MEF2A: variants seen among roughly 807,000 people sequenced by gnomAD.
MEF2A encodes myocyte-specific enhancer factor 2A.
In MEF2A, 28 loss-of-function variants were observed where a neutral mutation model predicts 55.8. That is an observed-to-expected ratio of 0.50 (90% CI 0.37 to 0.69). MEF2A has a LOEUF of 0.69. Among genes scored for constraint, MEF2A ranks in the 30% least tolerant of loss-of-function variants. The pLI is 0.00. For missense variants in MEF2A, 528 were observed against 626.2 expected (o/e 0.84, Z 1.67); for synonymous variants, 239 against 227.1 (o/e 1.05, Z -0.47).
chr15:99,643,820 T>C (rs927066046), intron 3 of MEF2A, among the ~76,000 whole-genome samples: 18 of 152,154 alleles, frequency 1.2e-4, no homozygotes, highest in Non-Finnish European at 2.5e-4. Context: ...CTCCATCTCC[T>C]GAGCTCGTGA....
At chr15:99,710,558 T>C in intron 10 of MEF2A, 76 bp from the exon 11 acceptor site, 1 of 1,557,872 alleles carries the variant, frequency 6.4e-7, no homozygotes, top group Non-Finnish European at 8.8e-7. Flanking sequence ...GTAGGAACTT[T>C]TGCAGTAGCT....
intron 7 of MEF2A, among the ~76,000 whole-genome samples, chr15:99,680,877 A>G (rs1038935028): frequency 3.9e-5 from 6 of 152,302 alleles, no homozygotes; most frequent in African/African-American, 1.4e-4. Flanking sequence ...GTAAATTAGA[A>G]TATTTCTTTA....
intron 1 of MEF2A, among the ~76,000 whole-genome samples, chr15:99,579,332 G>T (rs1159617308): frequency 6.6e-6 from 1 of 150,818 alleles, no homozygotes; most frequent in African/African-American, 2.4e-5. Flanking sequence ...AGTGGAGGGT[G>T]GGGCAGGGTT....
intron 4 of MEF2A, among the ~76,000 whole-genome samples, chr15:99,665,432 T>G (rs2049426308): frequency 6.6e-6 from 1 of 151,760 alleles, no homozygotes; most frequent in South Asian, 2.1e-4. Flanking sequence ...ATACAAAAAT[T>G]AAGATGGGTT....
intron 1 of MEF2A, among the ~76,000 whole-genome samples, chr15:99,571,000 C>A (rs1391430001): frequency 6.6e-6 from 1 of 152,084 alleles, no homozygotes; most frequent in East Asian, 1.9e-4. Flanking sequence ...ACCTGGCCAA[C>A]GTGGTGAAAC....
rs188765961 is a variant in MEF2A at position 99,658,335 on chromosome 15, C to T, written c.258+12571C>T. Among the ~76,000 whole-genome samples, 164 of 151,980 alleles carry T rather than the reference C, an allele frequency of 1.1e-3. 1 individual carries two copies. Among genetic ancestry groups the T allele is most frequent in the African/African-American group, 3.8e-3 (157 of 41,442 alleles). ...ATGGTGGAAGTAGATTTTCCATAAC[C>T]GCAGAGAGAATTTGTGAACCAAAGA... On this transcript the variant is annotated intron_variant, in intron 4 of 11. Coordinates refer to ENST00000557942, the MANE Select transcript of MEF2A (RefSeq NM_001319206.4).
intron 8 of MEF2A, among the ~76,000 whole-genome samples, chr15:99,698,233 A>C (rs763699217): frequency 2.6e-5 from 4 of 152,224 alleles, no homozygotes; most frequent in Non-Finnish European, 5.9e-5. Context: ...CAGAGAGTAT[A>C]GGACAACCTA....
rs1296124533 is a variant in MEF2A, at chr15:99,687,167, C to T, written c.671-3074C>T. On this transcript the variant is annotated intron_variant, in intron 7 of 11. Coordinates refer to ENST00000557942, the MANE Select transcript of MEF2A (RefSeq NM_001319206.4). Reference sequence around the variant, plus strand: ...TGGTTTTGAACTGGGCTCAAGCGATCTGCCCACCTCAGCCTCCCAAAGTTC... The same window carrying T: ...TGGTTTTGAACTGGGCTCAAGCGATTTGCCCACCTCAGCCTCCCAAAGTTC... Among the ~76,000 whole-genome samples, 11 of 129,212 alleles carry T rather than the reference C, an allele frequency of 8.5e-5. No individual in the cohort carries two copies. In the East Asian group the frequency reaches 2.7e-3, roughly 31 times the overall value. The allele number at this position is 129,212 out of a possible 152,430, so 84.8% of individuals were successfully genotyped here. A position where few individuals can be genotyped will look rare whatever the true frequency, so the allele number is the denominator to read the frequency against.
chr15:99,590,343 A>G (rs1293314553), intron 1 of MEF2A, among the ~76,000 whole-genome samples: 1 of 138,362 alleles, frequency 7.2e-6, no homozygotes, highest in East Asian at 2.1e-4. Flanking sequence ...TATGTTTCCT[A>G]TCTGTGTTAA....
intron 5 of MEF2A, chr15:99,671,717 C>A: frequency 7.1e-7 from 1 of 1,415,672 alleles, no homozygotes; most frequent in Non-Finnish European, 9.2e-7. Context: ...GACCAAACAT[C>A]TTGTTGCTTA....
At chr15:99,681,328 C>T (rs2053212305) in intron 7 of MEF2A, among the ~76,000 whole-genome samples, 1 of 152,112 alleles carries the variant, frequency 6.6e-6, no homozygotes, top group African/African-American at 2.4e-5. Context: ...CTTGATTGCT[C>T]TGAAGGTGGG....
intron 7 of MEF2A, among the ~76,000 whole-genome samples, chr15:99,683,685 C>A (rs537243276): frequency 6.8e-6 from 1 of 146,568 alleles, no homozygotes; most frequent in Non-Finnish European, 1.5e-5. Context: ...ATTATACTTG[C>A]GAGCCACCAT....
chr15:99,706,067 G>C (rs752538857), intron 9 of MEF2A, among the ~76,000 whole-genome samples: 2 of 152,202 alleles, frequency 1.3e-5, no homozygotes, highest in Non-Finnish European at 2.9e-5. Context: ...GATGCATCCA[G>C]TTGGCAAAAA....
At chr15:99,631,821 ATGT>A (rs777687300) in intron 2 of MEF2A, among the ~76,000 whole-genome samples, 12 of 152,192 alleles carry the variant, frequency 7.9e-5, no homozygotes, top group Admixed American at 1.3e-4. Context: ...TGCTGTGCTG[ATGT>A]TAGTGCTGGA....
intron 4 of MEF2A, among the ~76,000 whole-genome samples, chr15:99,651,620 C>G (rs562463844): frequency 2.0e-5 from 3 of 152,312 alleles, no homozygotes; most frequent in East Asian, 3.9e-4. Context: ...GCACATAGTC[C>G]TCATGGCTCT....
At chr15:99,616,825 G>GCCAT (rs1321144384) in intron 2 of MEF2A, among the ~76,000 whole-genome samples, 2 of 152,110 alleles carry the variant, frequency 1.3e-5, no homozygotes, top group South Asian at 2.1e-4. Context: ...GAGAGCTGTG[G>GCCAT]CCATGGGGCT....
chr15:99,670,562 A>G (rs1373431692), intron 4 of MEF2A, among the ~76,000 whole-genome samples: 3 of 152,208 alleles, frequency 2.0e-5, no homozygotes, highest in Non-Finnish European at 2.9e-5. Flanking sequence ...GTGAGCCAAC[A>G]TCGTGCCACT....
rs1293503414 is a variant in MEF2A, at chr15:99,713,106, A to G, written c.*335A>G. 4.5e-6 allele frequency: 2 copies of G among 440,046 alleles called. No individual in the cohort carries two copies. Among genetic ancestry groups the G allele is most frequent in the Admixed American group, 7.6e-5 (2 of 26,366 alleles). 27.3% of individuals were successfully genotyped at this position (440,046 alleles called of 1,614,324 possible). On this transcript the variant is annotated 3_prime_UTR_variant, in exon 12 of 12. Coordinates refer to ENST00000557942, the MANE Select transcript of MEF2A (RefSeq NM_001319206.4). ...GCAGAGAAACGTGTACCCATATATA[A>G]TTCTCCCACACTAGCTTGCAGAAAC...
chr15:99,611,200 C>T lies in MEF2A; in HGVS notation c.-143+12689C>T, dbSNP rs533047448. On this transcript the variant is annotated intron_variant, in intron 2 of 11. Transcript: ENST00000557942. ...GAGGTTGCAGTGAGCTGAGAATGTGCCACTGGACTCCAGCCTGGATGACAG... is the reference window on the plus strand; with the variant it reads ...GAGGTTGCAGTGAGCTGAGAATGTGTCACTGGACTCCAGCCTGGATGACAG... Among the ~76,000 whole-genome samples, 10 of 152,292 alleles carry T rather than the reference C, an allele frequency of 6.6e-5. No homozygotes were observed. In the East Asian group the frequency reaches 1.9e-3, roughly 29 times the overall value.
Sources: gnomAD v4.1 joint callset for allele counts (sites outside exome capture counted in the v4.1 genomes callset) on GRCh38, gnomAD v4.1.1 for gene constraint, MANE v1.5 for transcripts, NCBI Gene and HGNC (gene_info 2026-07-23, HGNC 2026-07-21) for gene names.